The following TSC2 variants were observed in gnomAD, a reference collection of about 807,000 sequenced individuals.
The protein encoded by TSC2 is TSC complex subunit 2, also known as tuberin.
A neutral mutation model predicts 202.2 loss-of-function variants in TSC2; 29 were observed. That is an observed-to-expected ratio of 0.14 (90% CI 0.11 to 0.20). The LOEUF is 0.20. Among genes scored for constraint, TSC2 ranks in the 10% least tolerant of loss-of-function variants. The pLI, the probability that TSC2 is intolerant of heterozygous loss-of-function variation, is 1.00. For synonymous variants in TSC2, 1,349 were observed against 1,044.0 expected, an observed-to-expected ratio of 1.29 and a Z score of -5.63; for missense variants, 2,429 against 2,420.0, an observed-to-expected ratio of 1.00 and a Z score of -0.08.
At chr16:2,060,425 G>C (rs529098484) in intron 10 of TSC2, among the ~76,000 whole-genome samples, 1 of 152,234 alleles carries the variant, frequency 6.6e-6, no homozygotes, top group Non-Finnish European at 1.5e-5. Flanking sequence ...TTCAGTTGCT[G>C]GTCTGTCCGA....
intron 16 of TSC2, chr16:2,068,910 A>C (rs2087797687): frequency 6.6e-6 from 1 of 151,926 alleles, no homozygotes; most frequent in African/African-American, 2.4e-5. Flanking sequence ...GGAAGCGAAA[A>C]TACATTTCCT....
Position 2,054,200 on chromosome 16 carries a change from G to A in TSC2, c.337-96G>A. On this transcript the variant is annotated intron_variant, in intron 4 of 41. Coordinates refer to ENST00000219476, the MANE Select transcript of TSC2 (RefSeq NM_000548.5). ...CTCTGTGGGAAGGAGAGGGGTCCAG[G>A]GCTGGAGTCCGGGTGCCCCTGCACT... The A allele has an allele frequency of 7.5e-6, 12 of 1,596,078 alleles. No homozygotes were observed. In the South Asian group the frequency reaches 1.1e-4, roughly 15 times the overall value.
intron 39 of TSC2, 44 bp from the exon 40 acceptor site, chr16:2,088,004 G>C: frequency 6.2e-7 from 1 of 1,612,824 alleles, no homozygotes; most frequent in Non-Finnish European, 8.5e-7. Context: ...CTGCAGTGTG[G>C]CGCCAAGAGC....
chr16:2,079,474 GC>G lies in TSC2; in HGVS notation c.3284+47del. Reference sequence around the variant, plus strand: ...TCCGCGCCTGCCAGCCTCGACACCGGCTGTCCCGAGCCCAGGCCCACGTGGC... The same window carrying G: ...TCCGCGCCTGCCAGCCTCGACACCGGTGTCCCGAGCCCAGGCCCACGTGGC... On this transcript the variant is annotated intron_variant, in intron 28 of 41. Coordinates refer to ENST00000219476, the MANE Select transcript of TSC2 (RefSeq NM_000548.5). The surrounding 1 kb of genome is among the most constrained non-coding windows in gnomAD (Gnocchi z 4.6). 6.2e-7 allele frequency: 1 copy of G among 1,611,184 alleles called. No individual in the cohort carries two copies. The highest frequency in any genetic ancestry group is 8.5e-7 in the Non-Finnish European group (1 of 1,179,262).
intron 15 of TSC2, 191 bp downstream of exon 15, chr16:2,064,618 G>A (rs2087066660): frequency 2.4e-6 from 2 of 839,740 alleles, no homozygotes; most frequent in Non-Finnish European, 3.7e-6. Context: ...TGTCCTGACT[G>A]AAAGTCCTGG....
intron 24 of TSC2, 27 bp downstream of exon 24, chr16:2,076,197 GTC>G (rs1567484525): frequency 1.9e-6 from 3 of 1,613,122 alleles, no homozygotes; most frequent in Admixed American, 1.7e-5. Context: ...TGAAGGCTGT[GTC>G]TCTCGGTAGG....
intron 5 of TSC2, chr16:2,054,772 G>C (rs1386488004): frequency 2.3e-6 from 1 of 435,536 alleles, no homozygotes; most frequent in Non-Finnish European, 4.3e-6. Context: ...GGAGCGTACT[G>C]GTCCCGTCTT....
chr16:2,084,193 C>T, intron 33 of TSC2, 35 bp from the exon 34 acceptor site: 3 of 1,555,552 alleles, frequency 1.9e-6, no homozygotes, highest in Non-Finnish European at 8.7e-7. Context: ...AGGGTGCCTG[C>T]TGACAGGGGT....
chr16:2,080,570 A>G lies in TSC2; in HGVS notation c.3610+193A>G, dbSNP rs183442789. ...GCAATCTCGGCTCACTGCAAGCTCC[A>G]CCTCCCGGGTTCACGCCATTCTCCT... On this transcript the variant is annotated intron_variant, in intron 30 of 41. Coordinates refer to ENST00000219476, the MANE Select transcript of TSC2 (RefSeq NM_000548.5). The G allele has an allele frequency of 3.2e-4, 206 of 652,902 alleles. 2 individuals carry two copies. Among genetic ancestry groups the G allele is most frequent in the South Asian group, 8.8e-4 (44 of 49,808 alleles). 40.4% of individuals were successfully genotyped at this position (652,902 alleles called of 1,614,324 possible).
At chr16:2,049,439 G>C (rs529523685) in intron 2 of TSC2, among the ~76,000 whole-genome samples, 1 of 152,268 alleles carries the variant, frequency 6.6e-6, no homozygotes, top group Non-Finnish European at 1.5e-5. Context: ...GCCTGGCATT[G>C]TGTTTTGCCC....
At chr16:2,074,659 T>G (rs927822143) in intron 22 of TSC2, 2 of 539,096 alleles carry the variant, frequency 3.7e-6, no homozygotes, top group Non-Finnish European at 6.7e-6. Context: ...CCCCTGGTTT[T>G]GGGCCTCCTC....
chr16:2,053,539 C>A, intron 4 of TSC2, 87 bp downstream of exon 4: 1 of 1,330,362 alleles, frequency 7.5e-7, no homozygotes, highest in Non-Finnish European at 1.0e-6. Flanking sequence ...GGACTCCTGC[C>A]TCGGTGAGTT....
intron 22 of TSC2, 45 bp from the exon 23 acceptor site, chr16:2,075,754 T>C (rs1488486460): frequency 6.3e-7 from 1 of 1,599,940 alleles, no homozygotes. Flanking sequence ...TCAGAGGCGC[T>C]GCACGGGACC....
At chr16:2,074,553 C>T (rs568100215) in intron 22 of TSC2, 164 bp downstream of exon 22, 2 of 850,170 alleles carry the variant, frequency 2.4e-6, no homozygotes, top group East Asian at 2.7e-5. Flanking sequence ...TGAGTGCTCT[C>T]CTTCCTGGCT....
At chr16:2,055,109 G>T in intron 5 of TSC2, 1 of 487,870 alleles carries the variant, frequency 2.0e-6, no homozygotes, top group Non-Finnish European at 3.8e-6. Context: ...GCGTCTCCCA[G>T]CCTCGGGTTG....
Position 2,056,297 on chromosome 16 carries a change from G to T in TSC2, c.648+53G>T, listed in dbSNP as rs899922912. 26 of 1,611,130 alleles carry T rather than the reference G, an allele frequency of 1.6e-5. No homozygotes were observed. The South Asian group carries it at 2.8e-4, about 17-fold the overall frequency. On this transcript the variant is annotated intron_variant, in intron 7 of 41. Transcript: ENST00000219476. ...CCCATTTCACCCTGGTTTCTGGGAG[G>T]CTGGGGCTTGGGGGTTGAGCCCTGT...
chr16:2,084,377 C>G lies in TSC2; in HGVS notation c.4155C>G (p.Ser1385=), dbSNP rs1057521540. Residue 1385 remains serine (S), a synonymous_variant, in exon 34 of 42, where the codon TCC becomes TCG. Transcript: ENST00000219476. ...SFQPSQPLSK[S]SSSPELQTLQ... Reference sequence around the variant, plus strand: ...AGCCCTCGCAGCCCCTGAGCAAGTCCAGCTCCTCTCCCGAGCTGCAGACTC... The same window carrying G: ...AGCCCTCGCAGCCCCTGAGCAAGTCGAGCTCCTCTCCCGAGCTGCAGACTC... The G allele has an allele frequency of 7.4e-6, 12 of 1,612,468 alleles. No individual in the cohort carries two copies. The highest frequency in any genetic ancestry group is 1.3e-5 in the African/African-American group (1 of 75,052).
chr16:2,063,049 A>C lies in TSC2; in HGVS notation c.1439A>C (p.Tyr480Ser). 6.4e-7 allele frequency: 1 copy of C among 1,551,420 alleles called. No individual in the cohort carries two copies. The highest frequency in any genetic ancestry group is 8.7e-7 in the Non-Finnish European group (1 of 1,146,892). ...SFVLLINRQF[Y>S]EEELINSVVI... is the part of the protein sequence containing the mutation. ...GTGCTGCTCATCAACAGGCAGTTCT[A>C]TGAGGTGCGTGTCCAGGCGGCCGCA... Residue 480 changes from tyrosine (Y) to serine (S), a missense_variant, in exon 14 of 42, where the codon TAT (tyrosine) becomes TCT (serine). Tyr to Ser is a moderately radical substitution (Grantham distance 144, BLOSUM62 -2). Transcript: ENST00000219476.
chr16:2,072,568 G>A, intron 20 of TSC2: 3 of 854,614 alleles, frequency 3.5e-6, no homozygotes, highest in Non-Finnish European at 5.3e-6. Flanking sequence ...ACTGACGTCA[G>A]AGGTCCCCAG....
Sources: gnomAD v4.1 joint callset for allele counts (sites outside exome capture counted in the v4.1 genomes callset) on GRCh38, gnomAD v4.1.1 for gene constraint, Gnocchi (gnomAD v3.1) non-coding constraint, MANE v1.5 for transcripts, NCBI Gene and HGNC (gene_info 2026-07-23, HGNC 2026-07-21) for gene names.